Variants in AKAP19 observed in about 807,000 individuals in gnomAD.
AKAP19 encodes small A-kinase anchoring protein.
the AKAP19 span, among the ~76,000 whole-genome samples, chr2:190,084,422 T>C: frequency 6.6e-6 from 1 of 152,162 alleles, no homozygotes; most frequent in Non-Finnish European, 1.5e-5. Flanking sequence ...AGCTTCTGGG[T>C]GATTTTAATG....
the AKAP19 span, among the ~76,000 whole-genome samples, chr2:190,143,471 C>T: frequency 6.6e-6 from 1 of 152,160 alleles, no homozygotes; most frequent in Non-Finnish European, 1.5e-5. Context: ...TAGTTAATCA[C>T]ATTACACCTT....
chr2:190,025,720 TA>T, the AKAP19 span, among the ~76,000 whole-genome samples: 1 of 152,194 alleles, frequency 6.6e-6, no homozygotes, highest in Non-Finnish European at 1.5e-5. Context: ...GCCATCGATA[TA>T]ACTGAAACTC....
chr2:190,021,569 G>C, the AKAP19 span, among the ~76,000 whole-genome samples: 5 of 152,230 alleles, frequency 3.3e-5, no homozygotes, highest in African/African-American at 1.2e-4. Flanking sequence ...GCCTCCAGCT[G>C]TAAGTGCCTT....
the AKAP19 span, among the ~76,000 whole-genome samples, chr2:190,148,959 T>C: frequency 4.9e-3 from 11 of 2,228 alleles, no homozygotes; most frequent in African/African-American, 5.1e-3. Flanking sequence ...CTTTCTTTTT[T>C]TTTTTTTTTT....
At chr2:189,975,645 C>T in the AKAP19 span, among the ~76,000 whole-genome samples, 6 of 152,108 alleles carry the variant, frequency 3.9e-5, no homozygotes, top group African/African-American at 1.4e-4. Flanking sequence ...GGTCTTTTCA[C>T]ATAGTCCCAT....
the AKAP19 span, among the ~76,000 whole-genome samples, chr2:190,190,490 T>C: frequency 1.3e-5 from 2 of 152,238 alleles, no homozygotes; most frequent in African/African-American, 2.4e-5. Flanking sequence ...GCTTTGACTA[T>C]TGTGAATAAA....
At chr2:189,944,148 A>C in the AKAP19 span, among the ~76,000 whole-genome samples, 3 of 152,110 alleles carry the variant, frequency 2.0e-5, no homozygotes, top group African/African-American at 7.2e-5. Flanking sequence ...TAGTTTAGAT[A>C]TTTGTCCATG....
chr2:190,066,556 G>A, the AKAP19 span, among the ~76,000 whole-genome samples: 4 of 152,036 alleles, frequency 2.6e-5, no homozygotes, highest in African/African-American at 9.7e-5. Flanking sequence ...ATTATTCTTA[G>A]AGCCAGAAAA....
the AKAP19 span, among the ~76,000 whole-genome samples, chr2:189,891,576 T>C: frequency 2.0e-5 from 3 of 152,258 alleles, no homozygotes; most frequent in African/African-American, 4.8e-5. Flanking sequence ...TCTTCTGGCT[T>C]GTTAGGGTTT....
the AKAP19 span, among the ~76,000 whole-genome samples, chr2:190,065,965 G>C: frequency 6.6e-6 from 1 of 152,156 alleles, no homozygotes; most frequent in Non-Finnish European, 1.5e-5. Flanking sequence ...TGGAGACCCA[G>C]TTCTGGCAGT....
At chr2:189,929,261 G>A in the AKAP19 span, among the ~76,000 whole-genome samples, 1 of 152,132 alleles carries the variant, frequency 6.6e-6, no homozygotes, top group Non-Finnish European at 1.5e-5. Flanking sequence ...ACAGTAATGA[G>A]GGATGCAGTA....
the AKAP19 span, among the ~76,000 whole-genome samples, chr2:189,892,779 C>T: frequency 6.6e-6 from 1 of 152,174 alleles, no homozygotes; most frequent in Admixed American, 6.5e-5. Context: ...AGATCTGCTG[C>T]TCTCTTCAGA....
chr2:190,086,992 CT>C, the AKAP19 span, among the ~76,000 whole-genome samples: 2 of 152,086 alleles, frequency 1.3e-5, no homozygotes, highest in Non-Finnish European at 2.9e-5. Flanking sequence ...TCCATGGAAA[CT>C]AAGAGCACAA....
the AKAP19 span, among the ~76,000 whole-genome samples, chr2:190,137,079 C>A: frequency 6.6e-6 from 1 of 152,298 alleles, no homozygotes; most frequent in African/African-American, 2.4e-5. Flanking sequence ...TATCACATTA[C>A]TAGAATCAAA....
chr2:190,051,270 C>T, the AKAP19 span, among the ~76,000 whole-genome samples: 1 of 152,156 alleles, frequency 6.6e-6, no homozygotes, highest in Non-Finnish European at 1.5e-5. Flanking sequence ...TGTCCAATTT[C>T]CTATAAGTAA....
the AKAP19 span, among the ~76,000 whole-genome samples, chr2:190,159,057 C>T: frequency 6.6e-6 from 1 of 152,122 alleles, no homozygotes; most frequent in Non-Finnish European, 1.5e-5. Flanking sequence ...GTGGGAGTCA[C>T]CAAAGCTGAG....
chr2:190,063,778 G>T, the AKAP19 span, among the ~76,000 whole-genome samples: 34 of 152,238 alleles, frequency 2.2e-4, no homozygotes, highest in African/African-American at 7.7e-4. Context: ...TTGGGGTAAA[G>T]TCTGGGAGCA....
chr2:190,010,032 A>C, the AKAP19 span, among the ~76,000 whole-genome samples: 5 of 152,374 alleles, frequency 3.3e-5, no homozygotes, highest in African/African-American at 4.8e-5. Flanking sequence ...GGCCAAAAAT[A>C]CATTTATTCT....
chr2:190,051,351 G>T, the AKAP19 span, among the ~76,000 whole-genome samples: 1 of 152,162 alleles, frequency 6.6e-6, no homozygotes, highest in Non-Finnish European at 1.5e-5. Context: ...ACTAGGTAAG[G>T]CTGTGTCAAT....
Sources: gnomAD v4.1 joint callset for allele counts (sites outside exome capture counted in the v4.1 genomes callset) on GRCh38, gnomAD v4.1.1 for gene constraint, MANE v1.5 for transcripts, NCBI Gene and HGNC (gene_info 2026-07-23, HGNC 2026-07-21) for gene names.